The following DAB1 variants were observed in gnomAD, a reference collection of about 807,000 sequenced individuals.
The protein encoded by DAB1 is disabled homolog 1.
In DAB1, 15 loss-of-function variants were observed where a neutral mutation model predicts 64.6. That is an observed-to-expected ratio of 0.23 (90% CI 0.16 to 0.36). The LOEUF is 0.36. Ranked by LOEUF, DAB1 falls within the 10% of genes least tolerant of loss-of-function variation. DAB1 has a pLI of 1.00. For missense variants in DAB1, 596 were observed against 706.7 expected (o/e 0.84, Z 1.78); for synonymous variants, 235 against 251.9 (o/e 0.93, Z 0.64).
At chr1:57,857,131 TAGA>T (rs2101935776) in intron 1 of DAB1, among the ~76,000 whole-genome samples, 1 of 152,246 alleles carries the variant, frequency 6.6e-6, no homozygotes, top group African/African-American at 2.4e-5. Context: ...GGTAAGAGTA[TAGA>T]AGAAGTGAGA....
At chr1:58,230,396 G>C (rs1234373981) in intron 4 of DAB1, among the ~76,000 whole-genome samples, 1 of 152,150 alleles carries the variant, frequency 6.6e-6, no homozygotes, top group African/African-American at 2.4e-5. Flanking sequence ...CACATCTCTC[G>C]AGACTCCCAG....
chr1:58,510,430 C>T (rs747316249), intron 2 of DAB1, among the ~76,000 whole-genome samples: 44 of 152,006 alleles, frequency 2.9e-4, no homozygotes, highest in Non-Finnish European at 3.8e-4. Flanking sequence ...AACATCCTTT[C>T]ATAATAAAAA....
intron 7 of DAB1, among the ~76,000 whole-genome samples, chr1:57,560,350 T>C (rs1645036401): frequency 1.3e-5 from 2 of 152,258 alleles, no homozygotes; most frequent in African/African-American, 2.4e-5. Flanking sequence ...GCAAGCACAC[T>C]GGACTTATTG....
Position 57,700,874 on chromosome 1 carries a change from C to T in DAB1, n.552-51209G>A, listed in dbSNP as rs116055469. ...CTATATCTTGTAGGTGGTTTTCATTCTGCTTTCTTTTTTTCCTCTGACTAT... is the reference window on the plus strand; with the variant it reads ...CTATATCTTGTAGGTGGTTTTCATTTTGCTTTCTTTTTTTCCTCTGACTAT... On this transcript the variant is annotated intron_variant and non_coding_transcript_variant, in intron 6 of 20. Coordinates refer to the DAB1 transcript ENST00000485760. Among the ~76,000 whole-genome samples, 878 of 152,202 alleles carry T rather than the reference C, an allele frequency of 5.8e-3. 10 individuals carry two copies. Among genetic ancestry groups the T allele is most frequent in the African/African-American group, 0.02 (839 of 41,512 alleles).
intron 5 of DAB1, among the ~76,000 whole-genome samples, chr1:57,925,457 G>A (rs2102028903): frequency 6.6e-6 from 1 of 152,274 alleles, no homozygotes; most frequent in East Asian, 1.9e-4. Context: ...CAAAGGGGCT[G>A]TGCCATTTTT....
At chr1:57,320,463 A>G (rs956541033) in intron 1 of DAB1, among the ~76,000 whole-genome samples, 2 of 152,212 alleles carry the variant, frequency 1.3e-5, no homozygotes, top group Admixed American at 1.3e-4. Context: ...AGCATTAATG[A>G]AAAAATAGAT....
chr1:57,753,143 A>G (rs1648632638), intron 6 of DAB1, among the ~76,000 whole-genome samples: 1 of 152,192 alleles, frequency 6.6e-6, no homozygotes, highest in African/African-American at 2.4e-5. Flanking sequence ...ACTCTTGCTC[A>G]TGTCCAGGAA....
intron 4 of DAB1, among the ~76,000 whole-genome samples, chr1:58,335,269 A>G (rs1663086083): frequency 6.6e-6 from 1 of 152,208 alleles, no homozygotes; most frequent in Non-Finnish European, 1.5e-5. Context: ...AGGCAAGAAG[A>G]TTTGTGTGGC....
chr1:58,474,059 A>G (rs1463644987), intron 3 of DAB1: 2 of 546,602 alleles, frequency 3.7e-6, no homozygotes, highest in Admixed American at 4.8e-5. Flanking sequence ...GTCATTCCCA[A>G]TCCAGAGCCT....
chr1:57,682,735 C>G (rs946695842), intron 6 of DAB1, among the ~76,000 whole-genome samples: 1 of 152,100 alleles, frequency 6.6e-6, no homozygotes, highest in African/African-American at 2.4e-5. Flanking sequence ...AGCCCAGGAG[C>G]TTTTGTGTGG....
At chr1:58,092,185 A>C (rs1234252158) in intron 5 of DAB1, among the ~76,000 whole-genome samples, 1 of 151,880 alleles carries the variant, frequency 6.6e-6, no homozygotes, top group African/African-American at 2.4e-5. Context: ...AAATACAAAA[A>C]AATAGGTGGG....
rs1042435668 is a variant in DAB1 at position 56,996,455 on chromosome 1, C to G, written c.*1689G>C. 1 of 152,134 alleles carries G rather than the reference C, an allele frequency of 6.6e-6. No individual in the cohort carries two copies. The highest frequency in any genetic ancestry group is 1.5e-5 in the Non-Finnish European group (1 of 68,034). 9.4% of individuals were successfully genotyped at this position (152,134 alleles called of 1,614,324 possible). A position where few individuals can be genotyped will look rare whatever the true frequency, so the allele number is the denominator to read the frequency against. ...TTATGAAAATCATGTGCTAAACATA[C>G]GAACCAAACACTGCACTTTTTGTCT... is the stretch of plus-strand genomic sequence containing the variant. On this transcript the variant is annotated 3_prime_UTR_variant, in exon 15 of 15. Transcript: ENST00000371236.
At chr1:58,189,501 G>A (rs1398755993) in intron 4 of DAB1, among the ~76,000 whole-genome samples, 1 of 152,126 alleles carries the variant, frequency 6.6e-6, no homozygotes, top group Admixed American at 6.6e-5. Context: ...TATCATTTAG[G>A]GTTTAACCAG....
chr1:58,546,210 C>A (rs2100509645), intron 1 of DAB1, among the ~76,000 whole-genome samples: 1 of 152,354 alleles, frequency 6.6e-6, no homozygotes, highest in East Asian at 1.9e-4. Context: ...GGCTGGAAAA[C>A]GTGTTCAGTT....
intron 4 of DAB1, among the ~76,000 whole-genome samples, chr1:58,228,034 G>T (rs150715426): frequency 6.6e-6 from 1 of 152,296 alleles, no homozygotes; most frequent in African/African-American, 2.4e-5. Context: ...TAAGCCCATA[G>T]CCTAACTGGT....
chr1:58,483,599 G>A (rs1445093736), intron 3 of DAB1, among the ~76,000 whole-genome samples: 1 of 152,186 alleles, frequency 6.6e-6, no homozygotes, highest in Non-Finnish European at 1.5e-5. Flanking sequence ...TGAGTGTTAA[G>A]TAAATGTTTA....
Position 57,324,581 on chromosome 1 carries a change from T to C in DAB1, c.-136-33415A>G, listed in dbSNP as rs888250787. On this transcript the variant is annotated intron_variant, in intron 1 of 14. Transcript: ENST00000371236. The stretch of plus-strand genomic sequence containing the variant: ...CATTAGAGAGGAGAATGATGCGCAT[T>C]AGAGAGGAGAATGATGAGAAACTGA... Among the ~76,000 whole-genome samples the C allele has an allele frequency of 3.3e-5, 5 of 151,830 alleles. 1 individual carries two copies. Among genetic ancestry groups the C allele is most frequent in the Non-Finnish European group, 4.4e-5 (3 of 68,018 alleles).
At chr1:57,387,838 A>AAAAAAAG (rs59597761) in intron 1 of DAB1, among the ~76,000 whole-genome samples, 15 of 146,756 alleles carry the variant, frequency 1.0e-4, no homozygotes, top group African/African-American at 2.8e-4. Context: ...AAAAAAAAAA[A>AAAAAAAG]AGAGAGAGAA....
chr1:57,710,024 T>A (rs1647009810), intron 6 of DAB1, among the ~76,000 whole-genome samples: 1 of 152,170 alleles, frequency 6.6e-6, no homozygotes. Context: ...TGCTTTTTAT[T>A]AAAAGGGAAG....
Sources: allele counts gnomAD v4.1 joint callset (sites outside exome capture counted in the v4.1 genomes callset), GRCh38; gene constraint gnomAD v4.1.1; transcripts MANE v1.5; gene names NCBI Gene and HGNC (gene_info 2026-07-23, HGNC 2026-07-21).